MYO15A: variants seen among roughly 807,000 people sequenced by gnomAD.
The protein encoded by MYO15A is myosin XVA, also known as unconventional myosin-XV.
MYO15A carries 308 observed loss-of-function variants against 394.6 expected under a neutral mutation model. The observed-to-expected ratio is 0.78, with a 90% CI of 0.71 to 0.86. The LOEUF (loss-of-function observed/expected upper bound fraction) is 0.86, where lower values mean the gene tolerates loss of function less well. MYO15A is among the 40% of genes least tolerant of loss of function. The pLI is 0.00. For missense variants in MYO15A, 4,606 were observed against 4,799.1 expected (o/e 0.96, Z 1.19); for synonymous variants, 1,957 against 2,003.8 (o/e 0.98, Z 0.62).
rs369728454 is a variant in MYO15A at position 18,149,950 on chromosome 17, C to CAAAAAA, written c.7212+386_7212+391dup. 7.6e-4 allele frequency: 95 copies of CAAAAAA among 124,780 alleles called. 2 individuals are homozygous for CAAAAAA. The highest frequency in any genetic ancestry group is 1.6e-3 in the South Asian group (11 of 6,970). 7.7% of individuals were successfully genotyped at this position (124,780 alleles called of 1,614,324 possible). On this transcript the variant is annotated intron_variant, in intron 35 of 65. Transcript: ENST00000647165. ...CCTGGGCAACAACAAGACCCTGTCTCAAAAAAAAAAAAAAAAAAAAAGAAA... is the reference window on the plus strand; with the variant it reads ...CCTGGGCAACAACAAGACCCTGTCTCAAAAAAAAAAAAAAAAAAAAAAAAAAAGAAA...
At position 18,167,662 on chromosome 17, in the gene MYO15A, C is replaced by G. The variant is rs1389973372; in HGVS notation, c.10021C>G (p.Gln3341Glu). 1.2e-6 allele frequency: 2 copies of G among 1,604,412 alleles called. No homozygotes were observed. The highest frequency in any genetic ancestry group is 2.7e-5 in the African/African-American group (2 of 74,952). The part of the protein sequence containing the change: ...ASRPSEQLLQ[Q>E]VSKLASLQHR... ...CCGGCCCAGCGAGCAGCTGCTGCAGCAGGTGTCCAAGCTGGCTTCACTGCA... is the reference window on the plus strand; with the variant it reads ...CCGGCCCAGCGAGCAGCTGCTGCAGGAGGTGTCCAAGCTGGCTTCACTGCA... Residue 3341 changes from glutamine (Q) to glutamate (E), a missense_variant, in exon 62 of 66, where the codon CAG (glutamine) becomes GAG (glutamate). Physicochemically the swap from Gln to Glu is conservative, Grantham distance 29. Around this residue, in one of 2 missense-constraint regions of MYO15A, gnomAD observed 2,776 missense variants for 3,109.3 expected, o/e 0.89. Coordinates refer to ENST00000647165, the MANE Select transcript of MYO15A (RefSeq NM_016239.4).
intron 60 of MYO15A, chr17:18,164,169 T>C: frequency 2.6e-6 from 1 of 388,432 alleles, no homozygotes; most frequent in Admixed American, 3.7e-5. Flanking sequence ...GCGCCGCATA[T>C]TATGGAACCT....
chr17:18,166,427 T>G lies in MYO15A; in HGVS notation c.9854T>G (p.Val3285Gly). Reference protein sequence around the residue: ...ILDVASEMEQVDGGYMLWFRR... With the variant: ...ILDVASEMEQGDGGYMLWFRR... Reference sequence around the variant, plus strand: ...GATGTGGCCTCAGAGATGGAGCAGGTGGACGGCGGCTACATGCTCTGGTTC... The same window carrying G: ...GATGTGGCCTCAGAGATGGAGCAGGGGGACGGCGGCTACATGCTCTGGTTC... Residue 3285 changes from valine (V) to glycine (G), a missense_variant, in exon 61 of 66, where the codon GTG (valine) becomes GGG (glycine). Coordinates refer to ENST00000647165, the MANE Select transcript of MYO15A (RefSeq NM_016239.4). 6.2e-7 allele frequency: 1 copy of G among 1,614,080 alleles called. No individual in the cohort carries two copies. Among genetic ancestry groups the G allele is most frequent in the Non-Finnish European group, 8.5e-7 (1 of 1,180,034 alleles).
intron 65 of MYO15A, chr17:18,176,535 A>ACTTTT (rs2047015972): frequency 8.8e-6 from 1 of 113,688 alleles, no homozygotes; most frequent in African/African-American, 3.4e-5. Context: ...TCTTTTTTTT[A>ACTTTT]CTTTTCTTTT....
chr17:18,126,771 C>T lies in MYO15A; in HGVS notation c.3867-20C>T. 6.2e-7 allele frequency: 1 copy of T among 1,613,980 alleles called. No homozygotes were observed. The highest frequency in any genetic ancestry group is 8.5e-7 in the Non-Finnish European group (1 of 1,179,890). On this transcript the variant is annotated intron_variant, in intron 5 of 65. Transcript: ENST00000647165. Reference sequence around the variant, plus strand: ...GGGAGCTTAGAGGCAGGGGCCAGCTCTAATGACCTGTCTCCCCAGGCACCT... The same window carrying T: ...GGGAGCTTAGAGGCAGGGGCCAGCTTTAATGACCTGTCTCCCCAGGCACCT...
At position 18,127,099 on chromosome 17, in the gene MYO15A, T is replaced by C. The variant is rs1443180010; in HGVS notation, c.3966T>C (p.Thr1322=). 6.2e-7 allele frequency: 1 copy of C among 1,614,034 alleles called. No individual in the cohort carries two copies. Among genetic ancestry groups the C allele is most frequent in the Non-Finnish European group, 8.5e-7 (1 of 1,180,008 alleles). The part of the protein sequence containing the change: ...IISGESGSGK[T]EATKLILRYL... ...GTGGAGAGAGCGGCTCTGGCAAAAC[T>C]GAGGCCACCAAGCTGATTCTGCGCT... Residue 1322 remains threonine (T), a synonymous_variant, in exon 7 of 66, where the codon ACT becomes ACC. Coordinates refer to ENST00000647165, the MANE Select transcript of MYO15A (RefSeq NM_016239.4).
At chr17:18,159,127 A>G in intron 53 of MYO15A, 130 bp downstream of exon 53, 1 of 1,382,674 alleles carries the variant, frequency 7.2e-7, no homozygotes. Flanking sequence ...ATTCCCTCCC[A>G]AGGACAGCCT....
chr17:18,177,955 T>C (rs909778962), intron 65 of MYO15A: 2 of 152,396 alleles, frequency 1.3e-5, no homozygotes, highest in South Asian at 2.1e-4. Flanking sequence ...CCTGCTCCAA[T>C]TGGGAGCACT....
At chr17:18,145,151 C>T (rs2046453862) in intron 29 of MYO15A, among the ~76,000 whole-genome samples, 2 of 152,240 alleles carry the variant, frequency 1.3e-5, no homozygotes, top group African/African-American at 4.8e-5. Flanking sequence ...TTACAGTACC[C>T]AGAGCTTAGA....
intron 1 of MYO15A, among the ~76,000 whole-genome samples, chr17:18,115,999 T>C (rs1022642060): frequency 2.0e-5 from 3 of 152,236 alleles, no homozygotes; most frequent in Admixed American, 6.5e-5. Flanking sequence ...GGTAACTGCA[T>C]GAGGGCAGGG....
At position 18,132,529 on chromosome 17, in the gene MYO15A, G is replaced by A; in HGVS notation, c.4283G>A (p.Ser1428Asn). The change falls in exon 11 of 66, where the codon AGC becomes AAC. Residue 1428 changes from serine (S) to asparagine (N), a missense_variant. This residue lies in a region of MYO15A where 2,776 missense variants were observed against 3,109.3 expected (regional missense o/e 0.89). Transcript: ENST00000647165. This position sits in a 1 kb window ranked among gnomAD's most constrained non-coding sequence, Gnocchi z 4.6. Reference sequence around the variant, plus strand: ...CCTGCCCAGCTCAGGCAGGCCTTTAGCCTGCAAGAGGCTGAGACCTACTAC... The same window carrying A: ...CCTGCCCAGCTCAGGCAGGCCTTTAACCTGCAAGAGGCTGAGACCTACTAC... ...GLPAQLRQAFSLQEAETYYYL... is the reference protein window; with the variant it reads ...GLPAQLRQAFNLQEAETYYYL... 6.2e-7 allele frequency: 1 copy of A among 1,613,288 alleles called. No individual in the cohort carries two copies.
intron 60 of MYO15A, chr17:18,164,201 C>T (rs1428204642): frequency 5.9e-6 from 2 of 337,862 alleles, no homozygotes; most frequent in African/African-American, 2.1e-5. Flanking sequence ...TAGGTGCAAG[C>T]CTTCTTTCCT....
intron 12 of MYO15A, 107 bp from the exon 13 acceptor site, chr17:18,135,604 G>A: frequency 2.8e-6 from 3 of 1,079,926 alleles, no homozygotes; most frequent in Non-Finnish European, 2.7e-6. Context: ...GCCTCCCAAA[G>A]TGCTGGGACT....
chr17:18,144,733 T>G, intron 29 of MYO15A, 141 bp downstream of exon 29: 1 of 758,236 alleles, frequency 1.3e-6, no homozygotes, highest in Non-Finnish European at 2.2e-6. Flanking sequence ...GACTTTTATG[T>G]CAGAGGGGGA....
Position 18,148,063 on chromosome 17 carries a change from G to C in MYO15A, c.6544G>C (p.Ala2182Pro), listed in dbSNP as rs748846340. Residue 2182 changes from alanine (A) to proline (P), a missense_variant, in exon 31 of 66, where the codon GCT becomes CCT. By Grantham distance (27) the Ala-to-Pro change is conservative. Around this residue, in one of 2 missense-constraint regions of MYO15A, gnomAD observed 2,776 missense variants for 3,109.3 expected, o/e 0.89. Transcript: ENST00000647165. The surrounding 1 kb of genome is among the most constrained non-coding windows in gnomAD (Gnocchi z 4.8). The part of the protein sequence containing the change: ...VSDYGRNGFQ[A>P]VCQHRLMQAM... The stretch of plus-strand genomic sequence containing the variant: ...TGATTATGGGCGGAATGGCTTCCAG[G>C]CTGTGTGTCAGCACCGCCTCATGCA... 6.2e-7 allele frequency: 1 copy of C among 1,613,850 alleles called. No individual in the cohort carries two copies. Among genetic ancestry groups the C allele is most frequent in the Non-Finnish European group, 8.5e-7 (1 of 1,180,044 alleles).
chr17:18,155,371 C>T lies in MYO15A; in HGVS notation c.8398C>T (p.Leu2800=). 6.2e-7 allele frequency: 1 copy of T among 1,613,806 alleles called. No homozygotes were observed. The highest frequency in any genetic ancestry group is 8.5e-7 in the Non-Finnish European group (1 of 1,180,024). ...TGTGTCCCACGTGGGCATCAAACTC[C>T]TGAGGATGGTCAAGGGTGGCCAGGA... ...LAVSHVGIKL[L]RMVKGGQEAG... is the part of the protein sequence containing the mutation. The change falls in exon 47 of 66, where the codon CTG becomes TTG. Residue 2800 remains leucine, a synonymous_variant. Transcript: ENST00000647165.
chr17:18,149,875 C>A (rs1274315495), intron 35 of MYO15A: 1 of 476,954 alleles, frequency 2.1e-6, no homozygotes, highest in East Asian at 4.0e-5. Context: ...ATCACTTGAG[C>A]CCAGGAGTCT....
At position 18,139,577 on chromosome 17, in the gene MYO15A, ATG is replaced by A. The variant is rs1474991742; in HGVS notation, c.5180_5181del (p.Val1727AlafsTer81). On this transcript the variant is annotated frameshift_variant, in exon 19 of 66. Transcript: ENST00000647165. LOFTEE classifies it high-confidence loss of function. The stretch of plus-strand genomic sequence containing the variant: ...AAGAACCACGACCAAGTGCGCCAGG[ATG>A]TGCTGGACCTGTTCGTACGGAGCCG... 1.9e-6 allele frequency: 3 copies of A among 1,613,958 alleles called. No homozygotes were observed.
rs563318623 is a variant in MYO15A at position 18,148,490 on chromosome 17, C to T, written c.6692-6C>T. ...CAACCTGAGCCCGGCACCTGCTGCGCCCCAGGTGACCAGTTCTCCTGCCCG... is the reference window on the plus strand; with the variant it reads ...CAACCTGAGCCCGGCACCTGCTGCGTCCCAGGTGACCAGTTCTCCTGCCCG... On this transcript the variant is annotated splice_polypyrimidine_tract_variant and splice_region_variant and intron_variant, in intron 31 of 65. Coordinates refer to ENST00000647165, the MANE Select transcript of MYO15A (RefSeq NM_016239.4). This position sits in a 1 kb window ranked among gnomAD's most constrained non-coding sequence, Gnocchi z 4.8. 6.4e-7 allele frequency: 1 copy of T among 1,552,060 alleles called. No homozygotes were observed. The highest frequency in any genetic ancestry group is 8.7e-7 in the Non-Finnish European group (1 of 1,147,208).
Sources: allele counts gnomAD v4.1 joint callset (sites outside exome capture counted in the v4.1 genomes callset), GRCh38; gene constraint gnomAD v4.1.1; regional missense constraint gnomAD v4.1.1; non-coding constraint Gnocchi (gnomAD v3.1); transcripts MANE v1.5; gene names NCBI Gene and HGNC (gene_info 2026-07-23, HGNC 2026-07-21).